LIN28B: variants seen among roughly 807,000 people sequenced by gnomAD.
LIN28B encodes lin-28 RNA binding posttranscriptional regulator B.
LIN28B carries 5 observed loss-of-function variants against 21.9 expected under a neutral mutation model. That is an observed-to-expected ratio of 0.23 (90% CI 0.12 to 0.48). LIN28B has a LOEUF of 0.48. LIN28B is among the 20% of genes least tolerant of loss of function. LIN28B has a pLI of 0.98. For synonymous variants in LIN28B, 109 were observed against 111.3 expected, an observed-to-expected ratio of 0.98 and a Z score of 0.13; for missense variants, 245 against 310.5, an observed-to-expected ratio of 0.79 and a Z score of 1.58.
chr6:104,992,143 C>T (rs372949178), intron 2 of LIN28B, among the ~76,000 whole-genome samples: 29 of 151,914 alleles, frequency 1.9e-4, no homozygotes, highest in East Asian at 1.7e-3. Flanking sequence ...CTCACCGTAA[C>T]CTCCGCCTTT....
intron 2 of LIN28B, among the ~76,000 whole-genome samples, chr6:104,964,845 C>A (rs1310762320): frequency 6.6e-6 from 1 of 152,094 alleles, no homozygotes; most frequent in Non-Finnish European, 1.5e-5. Flanking sequence ...TTTCCAATAT[C>A]TAAATATTTG....
chr6:105,053,296 G>T (rs1043589269), intron 3 of LIN28B, among the ~76,000 whole-genome samples: 1 of 151,978 alleles, frequency 6.6e-6, no homozygotes, highest in East Asian at 1.9e-4. Context: ...TGAAAAGAAT[G>T]AATATTCAGA....
At chr6:105,008,622 C>T (rs1327159822) in intron 2 of LIN28B, among the ~76,000 whole-genome samples, 2 of 146,954 alleles carry the variant, frequency 1.4e-5, no homozygotes, top group African/African-American at 2.5e-5. Flanking sequence ...CCAGCCTGGG[C>T]GACAGAACGA....
At chr6:104,991,224 G>A (rs1266939568) in intron 2 of LIN28B, among the ~76,000 whole-genome samples, 4 of 151,474 alleles carry the variant, frequency 2.6e-5, no homozygotes, top group African/African-American at 7.3e-5. Flanking sequence ...GTGGCTGGCC[G>A]GGCGGGGGCT....
intron 3 of LIN28B, among the ~76,000 whole-genome samples, chr6:104,950,734 C>T (rs915566992): frequency 1.3e-5 from 2 of 151,408 alleles, no homozygotes; most frequent in African/African-American, 2.4e-5. Context: ...TAACCCCTTT[C>T]CCCCCACCCC....
intron 3 of LIN28B, among the ~76,000 whole-genome samples, chr6:105,054,226 C>T (rs1048474120): frequency 6.6e-6 from 1 of 152,126 alleles, no homozygotes; most frequent in Non-Finnish European, 1.5e-5. Flanking sequence ...AGATGCAGGT[C>T]TGCCATTTTG....
At chr6:105,003,879 A>G (rs939078669) in intron 2 of LIN28B, among the ~76,000 whole-genome samples, 5 of 152,226 alleles carry the variant, frequency 3.3e-5, no homozygotes, top group African/African-American at 1.2e-4. Context: ...TACAAGGCTG[A>G]TATATTTGTC....
At chr6:104,959,909 T>A (rs371505977) in intron 2 of LIN28B, among the ~76,000 whole-genome samples, 81 of 152,340 alleles carry the variant, frequency 5.3e-4, no homozygotes, top group African/African-American at 1.7e-3. Flanking sequence ...TGATTTTCTA[T>A]GTTTACCTTC....
intron 2 of LIN28B, among the ~76,000 whole-genome samples, chr6:105,000,390 T>C (rs1484958331): frequency 6.6e-6 from 1 of 152,210 alleles, no homozygotes; most frequent in Non-Finnish European, 1.5e-5. Flanking sequence ...TTTTACTTTC[T>C]GTTTTTCTTG....
chr6:104,968,471 G>A (rs951821321), intron 2 of LIN28B, among the ~76,000 whole-genome samples: 8 of 152,054 alleles, frequency 5.3e-5, no homozygotes, highest in African/African-American at 1.9e-4. Context: ...ATTTCTACCA[G>A]CTGCTTTAAA....
chr6:104,941,121 A>T (rs1261212544), intron 2 of LIN28B: 1 of 152,016 alleles, frequency 6.6e-6, no homozygotes, highest in Non-Finnish European at 1.5e-5. Context: ...CGTCGAGGGG[A>T]GCTCCGTGCT....
chr6:105,078,559 C>T lies in LIN28B; in HGVS notation c.529C>T (p.Gln177Ter), dbSNP rs1412623005. ...TGTTGCACAGCCACCCGCGAGTTCTCAGGGAAGACAGGAAGCAGAATCCCA... is the reference window on the plus strand; with the variant it reads ...TGTTGCACAGCCACCCGCGAGTTCTTAGGGAAGACAGGAAGCAGAATCCCA... ...KNVAQPPASS[Q>*]GRQEAESQPC... The change falls in exon 4 of 4, where the codon CAG becomes TAG. Residue 177 changes from glutamine (Q) to a stop codon, truncating the protein, a stop_gained. Transcript: ENST00000345080. LOFTEE classifies it high-confidence loss of function. 1.2e-6 allele frequency: 2 copies of T among 1,614,122 alleles called. No homozygotes were observed. The highest frequency in any genetic ancestry group is 1.7e-6 in the Non-Finnish European group (2 of 1,180,034).
chr6:105,020,747 C>CTTTTT (rs1176851045), intron 2 of LIN28B, among the ~76,000 whole-genome samples: 25 of 85,418 alleles, frequency 2.9e-4, no homozygotes, highest in East Asian at 6.5e-4. Flanking sequence ...TCATTCCACT[C>CTTTTT]TTTTTTTTTT....
rs1772566817 is a variant in LIN28B, at chr6:105,082,926, T to A, written c.*4143T>A. 6.6e-6 allele frequency: 1 copy of A among 152,670 alleles called. No homozygotes were observed. The highest frequency in any genetic ancestry group is 2.4e-5 in the African/African-American group (1 of 41,468). 9.5% of individuals were successfully genotyped at this position (152,670 alleles called of 1,614,324 possible). On this transcript the variant is annotated 3_prime_UTR_variant, in exon 4 of 4. Coordinates refer to ENST00000345080, the MANE Select transcript of LIN28B (RefSeq NM_001004317.4). ...CACTGGCACCTACCACCAAGCTGGC[T>A]TCAATTAGTATGTGTTGCTTTTTGG...
At chr6:104,950,641 C>A (rs977147135) in intron 3 of LIN28B, 3 of 447,064 alleles carry the variant, frequency 6.7e-6, no homozygotes, top group Non-Finnish European at 1.1e-5. Context: ...AGACAGGTAC[C>A]AAGTCCTCCT....
intron 3 of LIN28B, among the ~76,000 whole-genome samples, chr6:105,070,981 A>G (rs1772322785): frequency 6.6e-6 from 1 of 152,028 alleles, no homozygotes; most frequent in African/African-American, 2.4e-5. Flanking sequence ...GGTTCAAGCA[A>G]TTCTCCTGCC....
chr6:104,982,573 TG>T (rs1770248908), intron 2 of LIN28B, among the ~76,000 whole-genome samples: 1 of 152,118 alleles, frequency 6.6e-6, no homozygotes, highest in African/African-American at 2.4e-5. Context: ...TCAATCTCCA[TG>T]ATAGGAGGAT....
At chr6:105,073,490 A>G (rs1025862555) in intron 3 of LIN28B, among the ~76,000 whole-genome samples, 1 of 151,254 alleles carries the variant, frequency 6.6e-6, no homozygotes, top group African/African-American at 2.4e-5. Flanking sequence ...TTCTTTCTCT[A>G]CTCTTTTCTC....
At chr6:105,050,436 A>G (rs1016268990) in intron 3 of LIN28B, among the ~76,000 whole-genome samples, 1 of 151,252 alleles carries the variant, frequency 6.6e-6, no homozygotes, top group African/African-American at 2.4e-5. Flanking sequence ...CCCCGTCTCT[A>G]CTAAAAATAC....
Sources: gnomAD v4.1 joint callset for allele counts (sites outside exome capture counted in the v4.1 genomes callset) on GRCh38, gnomAD v4.1.1 for gene constraint, MANE v1.5 for transcripts, NCBI Gene and HGNC (gene_info 2026-07-23, HGNC 2026-07-21) for gene names.